Variants in ABCA4 observed in about 807,000 individuals in gnomAD.
ABCA4 encodes the protein ATP binding cassette subfamily A member 4.
Under a neutral mutation model 263.7 loss-of-function variants are expected in ABCA4, and 196 were observed. The ratio of observed to expected loss-of-function variants is 0.74; its 90% CI spans 0.66 to 0.84. The LOEUF is 0.84. ABCA4 is among the 40% of genes least tolerant of loss of function. The pLI is 0.00. For missense variants in ABCA4, 2,792 were observed against 2,855.1 expected (o/e 0.98, Z 0.50); for synonymous variants, 1,133 against 1,094.2 (o/e 1.04, Z -0.70).
At chr1:93,999,038 A>G (rs1571240936) in intron 47 of ABCA4, among the ~76,000 whole-genome samples, 1 of 149,902 alleles carries the variant, frequency 6.7e-6, no homozygotes, top group East Asian at 2.0e-4. Context: ...GGCATGAGCC[A>G]CCACGCCCAG....
intron 14 of ABCA4, among the ~76,000 whole-genome samples, chr1:94,060,145 A>G (rs1206006552): frequency 6.6e-6 from 1 of 152,252 alleles, no homozygotes; most frequent in Non-Finnish European, 1.5e-5. Context: ...AACTCTAGCC[A>G]GTAGTTAAAA....
chr1:94,053,503 G>A (rs1279320368), intron 16 of ABCA4, among the ~76,000 whole-genome samples: 5 of 152,238 alleles, frequency 3.3e-5, no homozygotes, highest in Admixed American at 3.3e-4. Context: ...TTTAGGAACA[G>A]GGTCATTGCA....
At position 94,080,551 on chromosome 1, in the gene ABCA4, G is replaced by A; in HGVS notation, c.1026C>T (p.Asp342=). The change falls in exon 8 of 50, where the codon GAC becomes GAT. Residue 342 remains aspartate, a synonymous_variant. Coordinates refer to ENST00000370225, the MANE Select transcript of ABCA4 (RefSeq NM_000350.3). The stretch of plus-strand genomic sequence containing the variant: ...TCCCCAGAAAGGCCTTATAGTTATT[G>A]TCTTCATACCAGTTGAAGGAGAGCA... ...SRVLSFNWYE[D]NNYKAFLGID... The A allele has an allele frequency of 6.2e-7, 1 of 1,614,122 alleles. No individual in the cohort carries two copies. The highest frequency in any genetic ancestry group is 8.5e-7 in the Non-Finnish European group (1 of 1,180,026).
At chr1:94,041,711 A>G (rs1487612385) in intron 22 of ABCA4, among the ~76,000 whole-genome samples, 4 of 152,214 alleles carry the variant, frequency 2.6e-5, no homozygotes, top group Admixed American at 1.3e-4. Flanking sequence ...GGAGTTTCAT[A>G]TGTACATTTT....
Position 94,043,371 on chromosome 1 carries a change from T to G in ABCA4, c.3155A>C (p.His1052Pro). The change falls in exon 21 of 50, where the codon CAC becomes CCC. Residue 1052 changes from histidine to proline, a missense_variant. Physicochemically the swap from His to Pro is moderately conservative, Grantham distance 77. Transcript: ENST00000370225. ...MEAMLEDTGL[H>P]HKRNEEAQDL... ...CTGAGCCTCTTCATTCCGCTTGTGG[T>G]GGAGGCCTGTGTCCTCCAACATGGC... The G allele has an allele frequency of 6.2e-7, 1 of 1,614,158 alleles. No homozygotes were observed.
chr1:94,118,756 C>G (rs1168019408), intron 1 of ABCA4, among the ~76,000 whole-genome samples: 1 of 152,218 alleles, frequency 6.6e-6, no homozygotes, highest in Non-Finnish European at 1.5e-5. Context: ...CCTGGGAGCA[C>G]ACTGTGGAGA....
intron 17 of ABCA4, among the ~76,000 whole-genome samples, chr1:94,050,534 C>T (rs552406333): frequency 6.6e-6 from 1 of 152,278 alleles, no homozygotes; most frequent in East Asian, 1.9e-4. Flanking sequence ...ATTTGTGATT[C>T]ACTTTTGAAG....
intron 21 of ABCA4, 87 bp from the exon 22 acceptor site, chr1:94,042,985 C>G (rs1434231630): frequency 1.3e-6 from 2 of 1,567,114 alleles, no homozygotes; most frequent in Non-Finnish European, 1.8e-6. Context: ...TGTGGGGGTA[C>G]CTTAACCCAG....
At chr1:94,027,020 T>G (rs763735460) in intron 30 of ABCA4, among the ~76,000 whole-genome samples, 1 of 147,180 alleles carries the variant, frequency 6.8e-6, no homozygotes, top group Non-Finnish European at 1.5e-5. Context: ...GAGTGAGAGA[T>G]AAAGAGTAAG....
chr1:94,119,655 T>G (rs990440154), intron 1 of ABCA4, among the ~76,000 whole-genome samples: 2 of 152,294 alleles, frequency 1.3e-5, no homozygotes, highest in Middle Eastern at 3.4e-3. Context: ...TCTCTTCCCT[T>G]GGTTCTCTCA....
At chr1:94,079,584 C>G (rs1661634316) in intron 8 of ABCA4, 123 bp from the exon 9 acceptor site, 2 of 1,419,730 alleles carry the variant, frequency 1.4e-6, no homozygotes, top group Non-Finnish European at 2.0e-6. Context: ...GATGAATAAC[C>G]TAAATTAATA....
chr1:94,002,958 A>C (rs1433511259), intron 44 of ABCA4, among the ~76,000 whole-genome samples: 1 of 151,616 alleles, frequency 6.6e-6, no homozygotes, highest in Non-Finnish European at 1.5e-5. Context: ...GAATAAAAAT[A>C]GTTCATAGAA....
chr1:94,088,135 A>AC (rs1230772118), intron 6 of ABCA4, among the ~76,000 whole-genome samples: 2 of 150,006 alleles, frequency 1.3e-5, no homozygotes, highest in Non-Finnish European at 3.0e-5. Flanking sequence ...TTTATCAAGA[A>AC]CCCCCCAGTT....
At position 94,080,553 on chromosome 1, in the gene ABCA4, C is replaced by T; in HGVS notation, c.1024G>A (p.Asp342Asn). The T allele has an allele frequency of 6.2e-7, 1 of 1,614,176 alleles. No homozygotes were observed. Residue 342 changes from aspartate (D) to asparagine (N), a missense_variant, in exon 8 of 50, where the codon GAC becomes AAC. By Grantham distance (23) the Asp-to-Asn change is conservative. Transcript: ENST00000370225. ...SRVLSFNWYE[D>N]NNYKAFLGID... ...CCCAGAAAGGCCTTATAGTTATTGTCTTCATACCAGTTGAAGGAGAGCACC... is the reference window on the plus strand; with the variant it reads ...CCCAGAAAGGCCTTATAGTTATTGTTTTCATACCAGTTGAAGGAGAGCACC...
At chr1:94,080,116 C>T (rs562395263) in intron 8 of ABCA4, among the ~76,000 whole-genome samples, 4 of 152,272 alleles carry the variant, frequency 2.6e-5, no homozygotes, top group Non-Finnish European at 4.4e-5. Context: ...ATCCCACAGC[C>T]GTGTTTACTT....
chr1:93,993,696 G>A (rs914478762), intron 49 of ABCA4, among the ~76,000 whole-genome samples: 1 of 152,068 alleles, frequency 6.6e-6, no homozygotes, highest in Non-Finnish European at 1.5e-5. Flanking sequence ...AGTGTGACTG[G>A]GGGAGGGGAG....
intron 14 of ABCA4, chr1:94,059,653 C>T (rs1312866639): frequency 6.6e-6 from 1 of 152,306 alleles, no homozygotes; most frequent in Non-Finnish European, 1.5e-5. Flanking sequence ...TGTGGTACAG[C>T]ACTTCCTATC....
intron 26 of ABCA4, among the ~76,000 whole-genome samples, chr1:94,036,215 C>T (rs981162380): frequency 6.0e-5 from 9 of 151,142 alleles, no homozygotes; most frequent in Non-Finnish European, 1.2e-4. Context: ...ACCTGACCTC[C>T]GTAAGAATCC....
At chr1:94,116,962 T>TTCTTTG (rs1381801487) in intron 1 of ABCA4, among the ~76,000 whole-genome samples, 12 of 121,170 alleles carry the variant, frequency 9.9e-5, no homozygotes, top group African/African-American at 3.7e-4. Context: ...CCTCCTTTCT[T>TTCTTTG]TCTTTCTCTT....
Sources: gnomAD v4.1 joint callset for allele counts (sites outside exome capture counted in the v4.1 genomes callset) on GRCh38, gnomAD v4.1.1 for gene constraint, MANE v1.5 for transcripts, NCBI Gene and HGNC (gene_info 2026-07-23, HGNC 2026-07-21) for gene names.